Variants in KIF5B observed in about 807,000 individuals in gnomAD.
KIF5B encodes kinesin-1 heavy chain.
KIF5B carries 49 observed loss-of-function variants against 132.8 expected under a neutral mutation model. The ratio of observed to expected loss-of-function variants is 0.37; its 90% confidence interval spans 0.29 to 0.47. The LOEUF is 0.47. Ranked by LOEUF, KIF5B falls within the 20% of genes least tolerant of loss-of-function variation. The pLI, the probability that KIF5B is intolerant of heterozygous loss-of-function variation, is 1.00. For missense variants in KIF5B, 780 were observed against 1,144.0 expected (o/e 0.68, Z 4.59); for synonymous variants, 355 against 369.4 (o/e 0.96, Z 0.45).
chr10:32,055,904 T>G lies in KIF5B; in HGVS notation c.70A>C (p.Asn24His). ...RFRPLNESEV[N>H]RGDKYIAKFQ... is the part of the protein sequence containing the mutation. The stretch of plus-strand genomic sequence containing the variant: ...TTGGCGATGTACTTGTCGCCGCGGT[T>G]CACTTCAGACTCGTTGAGAGGTCTG... Residue 24 changes from asparagine (N) to histidine (H), a missense_variant, in exon 1 of 26, where the codon AAC becomes CAC. Transcript: ENST00000302418. The G allele has an allele frequency of 6.2e-7, 1 of 1,612,856 alleles. No individual in the cohort carries two copies. Among genetic ancestry groups the G allele is most frequent in the Non-Finnish European group, 8.5e-7 (1 of 1,179,880 alleles).
In KIF5B at chr10:32,021,300, A is replaced by G. The variant is rs1474645921; in HGVS notation, c.2033-13T>C. ...TCATGGACTTTCTCTGTTTGAATAG[A>G]GAGAAAATAGAAGAGTGAAATAAGC... On this transcript the variant is annotated splice_polypyrimidine_tract_variant and intron_variant, in intron 17 of 25. Coordinates refer to ENST00000302418, the MANE Select transcript of KIF5B (RefSeq NM_004521.3). 1.3e-6 allele frequency: 2 copies of G among 1,588,136 alleles called. No homozygotes were observed. The highest frequency in any genetic ancestry group is 1.7e-6 in the Non-Finnish European group (2 of 1,157,894).
intron 1 of KIF5B, 131 bp downstream of exon 1, chr10:32,055,717 G>C (rs376394319): frequency 1.1e-5 from 14 of 1,287,780 alleles, no homozygotes; most frequent in East Asian, 1.0e-4. Flanking sequence ...TATCTGAACC[G>C]GCAAACCCCG....
At chr10:32,012,598 C>T (rs934327858) in intron 25 of KIF5B, among the ~76,000 whole-genome samples, 1 of 152,178 alleles carries the variant, frequency 6.6e-6, no homozygotes. Context: ...TGTATTTTTA[C>T]ATCATAACTT....
chr10:32,013,131 C>T (rs1432765707), intron 25 of KIF5B, among the ~76,000 whole-genome samples: 2 of 152,024 alleles, frequency 1.3e-5, no homozygotes, highest in Non-Finnish European at 2.9e-5. Context: ...GAACTCCTGA[C>T]CTGAGGTGAC....
chr10:32,049,611 G>A (rs1281851038), intron 1 of KIF5B, among the ~76,000 whole-genome samples: 2 of 152,066 alleles, frequency 1.3e-5, no homozygotes, highest in East Asian at 1.9e-4. Context: ...CGGTTAAAAA[G>A]ACATCATCTT....
At chr10:32,042,649 T>TC (rs1841558454) in intron 2 of KIF5B, among the ~76,000 whole-genome samples, 1 of 152,232 alleles carries the variant, frequency 6.6e-6, no homozygotes, top group Non-Finnish European at 1.5e-5. Flanking sequence ...ATGTACAGCA[T>TC]CTTTCTAAAG....
chr10:32,028,799 G>A (rs1841363986), intron 14 of KIF5B, among the ~76,000 whole-genome samples: 1 of 152,142 alleles, frequency 6.6e-6, no homozygotes, highest in Non-Finnish European at 1.5e-5. Context: ...TCAATTAAGA[G>A]CAGGCAGTTT....
At chr10:32,038,304 C>A in intron 5 of KIF5B, 86 bp from the exon 6 acceptor site, 1 of 892,860 alleles carries the variant, frequency 1.1e-6, no homozygotes, top group South Asian at 1.5e-5. Context: ...TCCTGAGCAG[C>A]CTAACAGCAA....
intron 2 of KIF5B, among the ~76,000 whole-genome samples, chr10:32,046,923 G>GCCTA (rs1554803055): frequency 2.6e-5 from 4 of 151,532 alleles, no homozygotes; most frequent in African/African-American, 9.7e-5. Context: ...AAACACCATG[G>GCCTA]CTTAGCCTAG....
At chr10:32,037,916 C>T (rs980159445) in intron 6 of KIF5B, among the ~76,000 whole-genome samples, 2 of 150,756 alleles carry the variant, frequency 1.3e-5, no homozygotes, top group African/African-American at 4.9e-5. Context: ...TCAAGACCAG[C>T]CTGGCCAACA....
chr10:32,029,823 C>A (rs1841379268), intron 14 of KIF5B, among the ~76,000 whole-genome samples: 1 of 152,186 alleles, frequency 6.6e-6, no homozygotes, highest in Admixed American at 6.5e-5. Flanking sequence ...TTTCATACAA[C>A]AATTAGCTTT....
chr10:32,040,626 A>C (rs925913742), intron 2 of KIF5B, among the ~76,000 whole-genome samples, 169 bp from the exon 3 acceptor site: 1 of 142,084 alleles, frequency 7.0e-6, no homozygotes, highest in Non-Finnish European at 1.6e-5. Flanking sequence ...AACACCCTAA[A>C]ACACACACAC....
rs749089314 is a variant in KIF5B, at chr10:32,022,844, A to G, written c.1914+4T>C. 8.2e-6 allele frequency: 13 copies of G among 1,589,786 alleles called. No homozygotes were observed. Among genetic ancestry groups the G allele is most frequent in the African/African-American group, 1.3e-5 (1 of 74,442 alleles). On this transcript the variant is annotated splice_donor_region_variant and intron_variant, in intron 16 of 25. Coordinates refer to ENST00000302418, the MANE Select transcript of KIF5B (RefSeq NM_004521.3). ...AAATGAATAAACTTTGTTCTATAACATACTTGAGAGATACGAAGCTGACAT... is the reference window on the plus strand; with the variant it reads ...AAATGAATAAACTTTGTTCTATAACGTACTTGAGAGATACGAAGCTGACAT...
At chr10:32,026,259 T>TC (rs1841331849) in intron 15 of KIF5B, among the ~76,000 whole-genome samples, 1 of 151,468 alleles carries the variant, frequency 6.6e-6, no homozygotes, top group Admixed American at 6.6e-5. Flanking sequence ...ACGGTGAAAC[T>TC]CCATCTCTAC....
At chr10:32,034,604 T>TA (rs1163483796) in intron 11 of KIF5B, 86 bp downstream of exon 11, 1 of 976,034 alleles carries the variant, frequency 1.0e-6, no homozygotes, top group African/African-American at 1.7e-5. Context: ...TCTAGTCACT[T>TA]ACTGATTTTG....
At position 32,017,318 on chromosome 10, in the gene KIF5B, C is replaced by T; in HGVS notation, c.2586G>A (p.Lys862=). 1 of 1,614,174 alleles carries T rather than the reference C, an allele frequency of 6.2e-7. No individual in the cohort carries two copies. Among genetic ancestry groups the T allele is most frequent in the Non-Finnish European group, 8.5e-7 (1 of 1,180,036 alleles). The change falls in exon 24 of 26, where the codon AAG becomes AAA. Residue 862 remains lysine, a synonymous_variant. Coordinates refer to ENST00000302418, the MANE Select transcript of KIF5B (RefSeq NM_004521.3). The part of the protein sequence containing the change: ...DNADLRCELP[K]LEKRLRATAE... Reference sequence around the variant, plus strand: ...CTGTAGCTCGAAGTCGCTTTTCCAACTTAGGAAGTTCACAGCGGAGATCTG... The same window carrying T: ...CTGTAGCTCGAAGTCGCTTTTCCAATTTAGGAAGTTCACAGCGGAGATCTG...
chr10:32,038,532 G>C (rs1220308581), intron 5 of KIF5B, among the ~76,000 whole-genome samples: 1 of 152,134 alleles, frequency 6.6e-6, no homozygotes, highest in Non-Finnish European at 1.5e-5. Flanking sequence ...CTAGAACTCA[G>C]GGCTCAGATT....
chr10:32,053,545 T>C (rs1841719148), intron 1 of KIF5B, among the ~76,000 whole-genome samples: 2 of 151,190 alleles, frequency 1.3e-5, no homozygotes, highest in Non-Finnish European at 2.9e-5. Context: ...GCCAACATGG[T>C]GAAACCCATC....
rs370666912 is a variant in KIF5B at position 32,028,499 on chromosome 10, C to A, written c.1654G>T (p.Ala552Ser). ...TTTAGTAAAGATGCCATCATCTCAGCTGCTCGTTTTTTCTGGTGGTTGGTC... is the reference window on the plus strand; with the variant it reads ...TTTAGTAAAGATGCCATCATCTCAGATGCTCGTTTTTTCTGGTGGTTGGTC... ...EMTNHQKKRA[A>S]EMMASLLKDL... The change falls in exon 15 of 26, where the codon GCT becomes TCT. Residue 552 changes from alanine to serine, a missense_variant. This residue lies in a region of KIF5B where 471 missense variants were observed against 569.9 expected (regional missense o/e 0.83). Transcript: ENST00000302418. 7.4e-6 allele frequency: 12 copies of A among 1,613,534 alleles called. No homozygotes were observed. The Middle Eastern group carries it at 4.9e-4, about 66-fold the overall frequency.
Sources: gnomAD v4.1 joint callset for allele counts (sites outside exome capture counted in the v4.1 genomes callset) on GRCh38, gnomAD v4.1.1 for gene constraint, gnomAD v4.1.1 regional missense constraint, MANE v1.5 for transcripts, NCBI Gene and HGNC (gene_info 2026-07-23, HGNC 2026-07-21) for gene names.